Variants in TRPM6 observed in about 807,000 individuals in gnomAD.
TRPM6 encodes channel kinase 2.
A neutral mutation model predicts 247.6 loss-of-function variants in TRPM6; 111 were observed. The observed-to-expected ratio is 0.45, with a 90% CI of 0.38 to 0.52. The LOEUF is 0.52. Ranked by LOEUF, TRPM6 falls within the 20% of genes least tolerant of loss-of-function variation. The probability of loss-of-function intolerance (pLI) is 0.00; values close to 1 mark genes in which losing one functional copy is unlikely to be tolerated. For missense variants in TRPM6, 2,126 were observed against 2,421.5 expected (o/e 0.88, Z 2.56); for synonymous variants, 892 against 853.8 (o/e 1.04, Z -0.78).
rs199963114 is a variant in TRPM6, at chr9:74,762,079, C to T, written c.4592G>A (p.Arg1531His). The T allele has an allele frequency of 4.0e-5, 64 of 1,614,058 alleles. No individual in the cohort carries two copies. The highest frequency in any genetic ancestry group is 6.7e-5 in the Admixed American group (4 of 59,984). Residue 1531 changes from arginine (R) to histidine (H), a missense_variant, in exon 26 of 39, where the codon CGC becomes CAC. Around this residue, in one of 3 missense-constraint regions of TRPM6, gnomAD observed 717 missense variants for 715.9 expected, o/e 1.00. Coordinates refer to ENST00000360774, the MANE Select transcript of TRPM6 (RefSeq NM_017662.5). ...PNTSFWINPLRRYRPFARSHS... is the reference protein window; with the variant it reads ...PNTSFWINPLHRYRPFARSHS... Reference sequence around the variant, plus strand: ...ACTCCTAGCGAAGGGCCTGTATCTGCGGAGAGGATTGATCCAAAAGGATGT... The same window carrying T: ...ACTCCTAGCGAAGGGCCTGTATCTGTGGAGAGGATTGATCCAAAAGGATGT...
intron 17 of TRPM6, chr9:74,800,035 C>T (rs1416873318): frequency 2.6e-5 from 15 of 576,386 alleles, no homozygotes; most frequent in Middle Eastern, 9.6e-4. Flanking sequence ...CACGCTCTGT[C>T]GCTCAGTCGC....
intron 38 of TRPM6, among the ~76,000 whole-genome samples, chr9:74,726,299 C>G (rs1309967830): frequency 1.3e-5 from 2 of 152,134 alleles, no homozygotes; most frequent in African/African-American, 2.4e-5. Context: ...AACCTGAGGT[C>G]AAGAGTTCGA....
At chr9:74,749,337 T>A (rs928671501) in intron 30 of TRPM6, among the ~76,000 whole-genome samples, 1 of 152,200 alleles carries the variant, frequency 6.6e-6, no homozygotes, top group Non-Finnish European at 1.5e-5. Context: ...TATAGAAAAA[T>A]GAGCACCAGA....
At chr9:74,842,549 A>G (rs554082799) in intron 3 of TRPM6, among the ~76,000 whole-genome samples, 17 of 152,178 alleles carry the variant, frequency 1.1e-4, no homozygotes, top group Non-Finnish European at 2.1e-4. Context: ...CATTAGGATA[A>G]TTTGGAGAAT....
chr9:74,803,269 T>A (rs553706169), intron 15 of TRPM6, among the ~76,000 whole-genome samples: 2 of 150,454 alleles, frequency 1.3e-5, no homozygotes, highest in Admixed American at 1.3e-4. Context: ...TGGAGGAGTA[T>A]GAGACTAGGA....
intron 1 of TRPM6, among the ~76,000 whole-genome samples, chr9:74,860,212 T>G (rs111627180): frequency 6.6e-6 from 1 of 152,250 alleles, no homozygotes; most frequent in African/African-American, 2.4e-5. Flanking sequence ...TAAATCATTT[T>G]ACTCTCTTAT....
At chr9:74,743,437 C>T (rs182529079) in intron 32 of TRPM6, among the ~76,000 whole-genome samples, 41 of 152,306 alleles carry the variant, frequency 2.7e-4, no homozygotes, top group Non-Finnish European at 1.9e-4. Context: ...GCAATGACTC[C>T]CAAGAAACCA....
At chr9:74,865,012 G>C (rs1830802478) in intron 1 of TRPM6, among the ~76,000 whole-genome samples, 1 of 151,320 alleles carries the variant, frequency 6.6e-6, no homozygotes, top group African/African-American at 2.4e-5. Context: ...GGTGGAAGTT[G>C]CAGTGGGCTG....
intron 21 of TRPM6, among the ~76,000 whole-genome samples, chr9:74,784,931 G>C (rs1827593344): frequency 6.6e-6 from 1 of 152,090 alleles, no homozygotes; most frequent in South Asian, 2.1e-4. Context: ...GGGCAACATA[G>C]TGGGACCCTG....
At chr9:74,834,773 C>T (rs1023052276) in intron 5 of TRPM6, among the ~76,000 whole-genome samples, 1 of 152,018 alleles carries the variant, frequency 6.6e-6, no homozygotes, top group Non-Finnish European at 1.5e-5. Flanking sequence ...GAACTCATCC[C>T]TTTTATGGCT....
In TRPM6 at chr9:74,847,025, G is replaced by C. The variant is rs1830132163; in HGVS notation, c.153-4682C>G. Among the ~76,000 whole-genome samples the C allele has an allele frequency of 1.3e-5, 2 of 152,050 alleles. 1 individual carries two copies. The highest frequency in any genetic ancestry group is 4.1e-4 in the South Asian group (2 of 4,828). On this transcript the variant is annotated intron_variant, in intron 3 of 38. Transcript: ENST00000360774. ...CATGACATTATTCCTTTGCTACCTT[G>C]AGTACACAGACGAGGTGTTCTGCAA...
intron 17 of TRPM6, among the ~76,000 whole-genome samples, chr9:74,799,573 T>C (rs72730954): frequency 1.3e-4 from 13 of 101,504 alleles, no homozygotes; most frequent in South Asian, 3.4e-4. Context: ...CACACACACA[T>C]TGGGTAAGCA....
chr9:74,785,877 T>C lies in TRPM6; in HGVS notation c.2916A>G (p.Lys972=). The C allele has an allele frequency of 6.2e-7, 1 of 1,614,160 alleles. No individual in the cohort carries two copies. The highest frequency in any genetic ancestry group is 8.5e-7 in the Non-Finnish European group (1 of 1,180,042). ...TATAAAACTAGACTGTACTCACCAT[T>C]TTTGCAATCATGGTCACATATGGAC... is the stretch of plus-strand genomic sequence containing the variant. The part of the protein sequence containing the change: ...HAGPYVTMIA[K]MTANMFYIVI... Residue 972 remains lysine (K), a synonymous_variant, in exon 21 of 39, where the codon AAA becomes AAG. Coordinates refer to ENST00000360774, the MANE Select transcript of TRPM6 (RefSeq NM_017662.5).
chr9:74,753,662 C>CT (rs1426820531), intron 28 of TRPM6, among the ~76,000 whole-genome samples: 1 of 152,184 alleles, frequency 6.6e-6, no homozygotes, highest in African/African-American at 2.4e-5. Context: ...CGTAACTATA[C>CT]TCCAGCTTGG....
At chr9:74,839,358 T>C (rs1045094671) in intron 5 of TRPM6, among the ~76,000 whole-genome samples, 6 of 152,214 alleles carry the variant, frequency 3.9e-5, no homozygotes, top group Non-Finnish European at 8.8e-5. Flanking sequence ...CCATATACAA[T>C]TCTGGAATTT....
chr9:74,732,862 A>G lies in TRPM6; in HGVS notation c.5777-126T>C, dbSNP rs1825568541. The stretch of plus-strand genomic sequence containing the variant: ...ACAGTCACTCTGTAGTAAATTAAAC[A>G]TCATGAGCCCATACTTCACCACTAA... On this transcript the variant is annotated intron_variant, in intron 36 of 38. Transcript: ENST00000360774. The G allele has an allele frequency of 4.4e-5, 35 of 787,600 alleles. 1 individual carries two copies. In the South Asian group the frequency reaches 5.7e-4, roughly 13 times the overall value. 48.8% of individuals were successfully genotyped at this position (787,600 alleles called of 1,614,324 possible). A position where few individuals can be genotyped will look rare whatever the true frequency, so the allele number is the denominator to read the frequency against.
At chr9:74,809,718 C>G (rs762134253) in intron 13 of TRPM6, among the ~76,000 whole-genome samples, 5 of 152,096 alleles carry the variant, frequency 3.3e-5, no homozygotes, top group African/African-American at 1.2e-4. Flanking sequence ...ATGGACCATG[C>G]CTGTAATCCC....
chr9:74,763,816 T>C (rs886301996), intron 25 of TRPM6, among the ~76,000 whole-genome samples: 1 of 152,182 alleles, frequency 6.6e-6, no homozygotes, highest in Non-Finnish European at 1.5e-5. Context: ...ACAACACATG[T>C]TCACCTTTCA....
At chr9:74,842,462 G>A (rs1043038169) in intron 3 of TRPM6, 119 bp from the exon 4 acceptor site, 2 of 1,047,250 alleles carry the variant, frequency 1.9e-6, no homozygotes, top group East Asian at 2.6e-5. Context: ...TTCACATTAA[G>A]GTTTATATTA....
Sources: allele counts gnomAD v4.1 joint callset (sites outside exome capture counted in the v4.1 genomes callset), GRCh38; gene constraint gnomAD v4.1.1; regional missense constraint gnomAD v4.1.1; transcripts MANE v1.5; gene names NCBI Gene and HGNC (gene_info 2026-07-23, HGNC 2026-07-21).